UTRN: variants seen among roughly 807,000 people sequenced by gnomAD.
UTRN encodes dystrophin-related protein 1.
A neutral mutation model predicts 463.9 loss-of-function variants in UTRN; 283 were observed. The ratio of observed to expected loss-of-function variants is 0.61; its 90% CI spans 0.55 to 0.67. UTRN has a LOEUF of 0.67. UTRN is among the 30% of genes least tolerant of loss of function. The pLI is 0.00. For synonymous variants in UTRN, 1,442 were observed against 1,431.5 expected, an observed-to-expected ratio of 1.01 and a Z score of -0.17; for missense variants, 3,922 against 4,084.3, an observed-to-expected ratio of 0.96 and a Z score of 1.08.
chr6:144,299,012 T>A (rs1483926721), intron 2 of UTRN, among the ~76,000 whole-genome samples: 9 of 152,228 alleles, frequency 5.9e-5, no homozygotes, highest in Non-Finnish European at 1.2e-4. Flanking sequence ...GGAAATAACA[T>A]TTTGAGGTTG....
At chr6:144,714,148 T>C (rs1786110433) in intron 53 of UTRN, among the ~76,000 whole-genome samples, 2 of 152,186 alleles carry the variant, frequency 1.3e-5, no homozygotes, top group African/African-American at 4.8e-5. Context: ...AAATTTTGTC[T>C]GCATACCAAC....
At chr6:144,610,440 CAAAGA>C (rs1805372802) in intron 51 of UTRN, among the ~76,000 whole-genome samples, 1 of 152,054 alleles carries the variant, frequency 6.6e-6, no homozygotes, top group Non-Finnish European at 1.5e-5. Flanking sequence ...ATTCTCCCAC[CAAAGA>C]AAAGCCCAGA....
intron 51 of UTRN, among the ~76,000 whole-genome samples, chr6:144,597,235 CAAAA>C (rs67471247): frequency 1.2e-5 from 1 of 85,744 alleles, no homozygotes; most frequent in Non-Finnish European, 2.6e-5. Context: ...GAGACTGTCT[CAAAA>C]AAAAAAAAAA....
chr6:144,592,637 G>A (rs1034664400), intron 51 of UTRN, among the ~76,000 whole-genome samples: 1 of 152,126 alleles, frequency 6.6e-6, no homozygotes, highest in Admixed American at 6.6e-5. Flanking sequence ...CTAAAGTGCT[G>A]GGATTACAGG....
chr6:144,565,002 A>G (rs1417925149), intron 50 of UTRN, among the ~76,000 whole-genome samples: 1 of 152,094 alleles, frequency 6.6e-6, no homozygotes, highest in Non-Finnish European at 1.5e-5. Flanking sequence ...GCTAGTGGGT[A>G]TAGTAGAATA....
chr6:144,636,383 G>T (rs1383578973), intron 51 of UTRN, among the ~76,000 whole-genome samples: 1 of 151,292 alleles, frequency 6.6e-6, no homozygotes, highest in African/African-American at 2.5e-5. Context: ...ACACACTGGG[G>T]CCTGTCAGGG....
At chr6:144,549,521 C>A (rs536195347) in intron 47 of UTRN, among the ~76,000 whole-genome samples, 1 of 152,256 alleles carries the variant, frequency 6.6e-6, no homozygotes, top group South Asian at 2.1e-4. Flanking sequence ...CTGTTTTTAT[C>A]CCCACATTAC....
At chr6:144,607,136 T>A (rs1262820515) in intron 51 of UTRN, among the ~76,000 whole-genome samples, 1 of 152,236 alleles carries the variant, frequency 6.6e-6, no homozygotes, top group Non-Finnish European at 1.5e-5. Flanking sequence ...GCAAAATTGC[T>A]TATGAGAATC....
At chr6:144,465,067 A>T (rs116692588) in intron 23 of UTRN, among the ~76,000 whole-genome samples, 1 of 152,212 alleles carries the variant, frequency 6.6e-6, no homozygotes, top group Non-Finnish European at 1.5e-5. Context: ...CACCATGTAC[A>T]GGACAGCCTC....
chr6:144,450,077 A>C (rs779759011), intron 17 of UTRN, among the ~76,000 whole-genome samples: 11 of 152,086 alleles, frequency 7.2e-5, no homozygotes, highest in Non-Finnish European at 1.6e-4. Context: ...ACACCTCTCA[A>C]ACCTGTCCTT....
chr6:144,366,131 C>T lies in UTRN; in HGVS notation c.80-36992C>T, dbSNP rs145336460. The stretch of plus-strand genomic sequence containing the variant: ...TTTCTGACACAATAAACAGCGTAAT[C>T]GTCACATGAATATAAAAGTTGATGT... On this transcript the variant is annotated intron_variant, in intron 2 of 74. Transcript: ENST00000367545. Among the ~76,000 whole-genome samples the T allele has an allele frequency of 1.8e-4, 27 of 152,290 alleles. No homozygotes were observed. In the East Asian group the frequency reaches 4.6e-3, roughly 26 times the overall value.
intron 53 of UTRN, among the ~76,000 whole-genome samples, chr6:144,701,398 C>T (rs1485259189): frequency 6.6e-6 from 1 of 151,402 alleles, no homozygotes; most frequent in Non-Finnish European, 1.5e-5. Context: ...TGAGCCAAGC[C>T]TTTTCTTTGA....
In UTRN at chr6:144,836,388, T is replaced by TAAA; in HGVS notation, c.9912_9913insAAA (p.Ser3304_Pro3305insLys). On this transcript the variant is annotated inframe_insertion, in exon 71 of 75. Transcript: ENST00000367545. The stretch of plus-strand genomic sequence containing the variant: ...GTTCACCGCCAGAGTCGATTATATC[T>TAAA]CCCCATCACACGTCTGAGGATTCAG... The TAAA allele has an allele frequency of 1.3e-6, 2 of 1,585,486 alleles. No individual in the cohort carries two copies. Among genetic ancestry groups the TAAA allele is most frequent in the Non-Finnish European group, 1.7e-6 (2 of 1,156,792 alleles).
rs576834235 is a variant in UTRN, at chr6:144,848,036, G to C, written c.10293+1209G>C. Among the ~76,000 whole-genome samples the C allele has an allele frequency of 1.4e-4, 22 of 152,280 alleles. No individual in the cohort carries two copies. In the South Asian group the frequency reaches 4.4e-3, roughly 30 times the overall value. The stretch of plus-strand genomic sequence containing the variant: ...AGAGAGGCTGGGATCTTAACTAAAA[G>C]ACAAGGGTATGTGAAGTAGGCTAGG... On this transcript the variant is annotated intron_variant, in intron 74 of 74. Coordinates refer to ENST00000367545, the MANE Select transcript of UTRN (RefSeq NM_007124.3).
intron 2 of UTRN, among the ~76,000 whole-genome samples, chr6:144,355,945 C>A (rs923096529): frequency 3.3e-5 from 5 of 152,016 alleles, no homozygotes; most frequent in African/African-American, 1.2e-4. Flanking sequence ...AATTTGAATT[C>A]TTTGATTTTA....
intron 15 of UTRN, 44 bp from the exon 16 acceptor site, chr6:144,447,558 A>C (rs747582295): frequency 1.9e-6 from 3 of 1,599,012 alleles, no homozygotes. Context: ...AGAAAGACAA[A>C]GTCCTGTTAA....
chr6:144,589,794 A>C (rs1185521183), intron 51 of UTRN, among the ~76,000 whole-genome samples: 1 of 152,006 alleles, frequency 6.6e-6, no homozygotes, highest in African/African-American at 2.4e-5. Flanking sequence ...TGATTCAACC[A>C]TTTCATTTTG....
chr6:144,297,546 G>A (rs1314956827), intron 2 of UTRN, among the ~76,000 whole-genome samples: 1 of 152,136 alleles, frequency 6.6e-6, no homozygotes, highest in Non-Finnish European at 1.5e-5. Flanking sequence ...AAGGGACTGT[G>A]AAAAAATAGT....
At chr6:144,470,895 G>A (rs543799229) in intron 23 of UTRN, among the ~76,000 whole-genome samples, 59 of 151,832 alleles carry the variant, frequency 3.9e-4, no homozygotes, top group South Asian at 3.8e-3. Flanking sequence ...GCGTGGCGGC[G>A]CGCACCTGCG....
Sources: gnomAD v4.1 joint callset for allele counts (sites outside exome capture counted in the v4.1 genomes callset) on GRCh38, gnomAD v4.1.1 for gene constraint, MANE v1.5 for transcripts, NCBI Gene and HGNC (gene_info 2026-07-23, HGNC 2026-07-21) for gene names.